The following MET variants were observed in gnomAD, a reference collection of about 807,000 sequenced individuals.
MET encodes the protein hepatocyte growth factor receptor.
A neutral mutation model predicts 133.1 loss-of-function variants in MET; 48 were observed. The observed-to-expected ratio is 0.36, with a 90% CI of 0.29 to 0.46. The LOEUF (loss-of-function observed/expected upper bound fraction) is 0.46. Ranked by LOEUF, MET falls within the 20% of genes least tolerant of loss-of-function variation. The probability of loss-of-function intolerance (pLI) is 1.00; values close to 1 mark genes in which losing one functional copy is unlikely to be tolerated. For missense variants in MET, 1,442 were observed against 1,695.9 expected, an observed-to-expected ratio of 0.85 and a Z score of 2.63; for synonymous variants, 628 against 616.5, an observed-to-expected ratio of 1.02 and a Z score of -0.28.
At chr7:116,677,708 C>G (rs1796209333) in intron 1 of MET, among the ~76,000 whole-genome samples, 1 of 152,232 alleles carries the variant, frequency 6.6e-6, no homozygotes, top group African/African-American at 2.4e-5. Flanking sequence ...TTCTAAAATT[C>G]TCAGAAAATT....
At chr7:116,762,538 T>A (rs1014223811) in intron 10 of MET, among the ~76,000 whole-genome samples, 1 of 152,204 alleles carries the variant, frequency 6.6e-6, no homozygotes, top group African/African-American at 2.4e-5. Flanking sequence ...TGGTGCTTGG[T>A]GCTTTACAAA....
intron 2 of MET, among the ~76,000 whole-genome samples, chr7:116,727,546 G>A (rs1450943988): frequency 2.6e-5 from 4 of 152,080 alleles, no homozygotes; most frequent in Admixed American, 6.5e-5. Flanking sequence ...GGTTCCCTGC[G>A]GGTGCTGGTG....
intron 2 of MET, among the ~76,000 whole-genome samples, chr7:116,705,137 A>C (rs544657682): frequency 6.6e-6 from 1 of 152,094 alleles, no homozygotes; most frequent in African/African-American, 2.4e-5. Context: ...AAAAATAAAC[A>C]TACAGTGATG....
intron 2 of MET, among the ~76,000 whole-genome samples, chr7:116,702,377 G>A (rs1791615602): frequency 6.6e-6 from 1 of 151,846 alleles, no homozygotes; most frequent in African/African-American, 2.4e-5. Flanking sequence ...TTCTGAGACT[G>A]AGACTACACA....
chr7:116,724,587 A>C (rs1279791207), intron 2 of MET, among the ~76,000 whole-genome samples: 1 of 152,196 alleles, frequency 6.6e-6, no homozygotes, highest in Admixed American at 6.5e-5. Context: ...TTGGAGGACC[A>C]TGATTGTTTA....
intron 8 of MET, 81 bp from the exon 9 acceptor site, chr7:116,758,378 T>C (rs1005864465): frequency 4.3e-6 from 6 of 1,407,610 alleles, no homozygotes; most frequent in African/African-American, 1.4e-5. Flanking sequence ...TTGAGTTATA[T>C]CCTTTTGATT....
Position 116,745,089 on chromosome 7 carries a change from T to C in MET, c.1701+4064T>C, listed in dbSNP as rs548018177. Among the ~76,000 whole-genome samples, 146 of 152,336 alleles carry C rather than the reference T, an allele frequency of 9.6e-4. 1 individual carries two copies. The highest frequency in any genetic ancestry group is 7.3e-5 in the Non-Finnish European group (5 of 68,038). On this transcript the variant is annotated intron_variant, in intron 5 of 20. Coordinates refer to ENST00000397752, the MANE Select transcript of MET (RefSeq NM_000245.4). Reference sequence around the variant, plus strand: ...AAGCAACTTTAGCAAAGTCTCAGGATACAAATTCAATGTGCAAAAATCACA... The same window carrying C: ...AAGCAACTTTAGCAAAGTCTCAGGACACAAATTCAATGTGCAAAAATCACA...
At position 116,763,039 on chromosome 7, in the gene MET, T is replaced by C. The variant is rs1367439751; in HGVS notation, c.2365-11T>C. 1.2e-6 allele frequency: 2 copies of C among 1,609,784 alleles called. No homozygotes were observed. Among genetic ancestry groups the C allele is most frequent in the Admixed American group, 1.7e-5 (1 of 59,950 alleles). ...ATTCTGTTTACAGTGGATAATTGTGTCTTTCTCTAGGCATGTCAACATCGC... is the reference window on the plus strand; with the variant it reads ...ATTCTGTTTACAGTGGATAATTGTGCCTTTCTCTAGGCATGTCAACATCGC... On this transcript the variant is annotated splice_polypyrimidine_tract_variant and intron_variant, in intron 10 of 20. Transcript: ENST00000397752.
At chr7:116,745,717 G>A (rs537411690) in intron 5 of MET, among the ~76,000 whole-genome samples, 37 of 152,288 alleles carry the variant, frequency 2.4e-4, no homozygotes, top group African/African-American at 7.5e-4. Flanking sequence ...TGGGAAAACT[G>A]GCTAGCCATA....
At chr7:116,680,874 C>G (rs886250431) in intron 1 of MET, among the ~76,000 whole-genome samples, 24 of 151,628 alleles carry the variant, frequency 1.6e-4, no homozygotes, top group African/African-American at 5.6e-4. Flanking sequence ...CCTGGGAGGC[C>G]AAGGCTGTAG....
At chr7:116,714,198 A>G (rs546433040) in intron 2 of MET, among the ~76,000 whole-genome samples, 2 of 152,334 alleles carry the variant, frequency 1.3e-5, no homozygotes, top group African/African-American at 4.8e-5. Flanking sequence ...GGAAATGATG[A>G]TAAAGAAGCA....
chr7:116,689,719 C>T (rs758369474), intron 1 of MET, among the ~76,000 whole-genome samples: 2 of 151,946 alleles, frequency 1.3e-5, no homozygotes, highest in Non-Finnish European at 2.9e-5. Flanking sequence ...TAGGCACATG[C>T]CACCATGCCT....
chr7:116,752,640 T>G (rs1431764584), intron 5 of MET, among the ~76,000 whole-genome samples: 1 of 152,220 alleles, frequency 6.6e-6, no homozygotes, highest in Non-Finnish European at 1.5e-5. Context: ...AGCGAGCCTC[T>G]TGGATCCTGA....
intron 8 of MET, 43 bp downstream of exon 8, chr7:116,757,817 A>T: frequency 6.3e-7 from 1 of 1,588,010 alleles, no homozygotes; most frequent in South Asian, 1.1e-5. Flanking sequence ...AATTTGAATT[A>T]ATATCTGTAC....
Position 116,755,437 on chromosome 7 carries a change from A to C in MET, c.1784A>C (p.Lys595Thr), listed in dbSNP as rs1584939204. Residue 595 changes from lysine to threonine, a missense_variant, in exon 6 of 21, where the codon AAA (lysine) becomes ACA (threonine). Coordinates refer to ENST00000397752, the MANE Select transcript of MET (RefSeq NM_000245.4). ...GACTTTGGATTTCGGAGGAATAATA[A>C]ATTTGATTTAAAGAAAACTAGAGTT... ...GWDFGFRRNNKFDLKKTRVLL... is the reference protein window; with the variant it reads ...GWDFGFRRNNTFDLKKTRVLL... 6.2e-7 allele frequency: 1 copy of C among 1,614,134 alleles called. No individual in the cohort carries two copies. The highest frequency in any genetic ancestry group is 8.5e-7 in the Non-Finnish European group (1 of 1,180,002).
At chr7:116,789,463 G>C (rs1176101100) in intron 19 of MET, among the ~76,000 whole-genome samples, 1 of 152,098 alleles carries the variant, frequency 6.6e-6, no homozygotes, top group Admixed American at 6.6e-5. Flanking sequence ...TTCAGGTTTT[G>C]ACAAATGCAT....
At chr7:116,672,805 A>G (rs980258164) in intron 1 of MET, among the ~76,000 whole-genome samples, 5 of 150,864 alleles carry the variant, frequency 3.3e-5, no homozygotes, top group African/African-American at 1.2e-4. Flanking sequence ...TGTATGACTT[A>G]GGAGGGAGAG....
chr7:116,740,776 T>G (rs1339678565), intron 4 of MET, 76 bp from the exon 5 acceptor site: 5 of 1,552,968 alleles, frequency 3.2e-6, no homozygotes, highest in Non-Finnish European at 3.5e-6. Context: ...ACATGTACCT[T>G]TTGTGTACTT....
intron 1 of MET, among the ~76,000 whole-genome samples, chr7:116,682,509 C>T (rs978364235): frequency 6.6e-6 from 1 of 152,098 alleles, no homozygotes; most frequent in Admixed American, 6.5e-5. Context: ...TAATTAAATG[C>T]TGGCATTTTC....
Sources: gnomAD v4.1 joint callset for allele counts (sites outside exome capture counted in the v4.1 genomes callset) on GRCh38, gnomAD v4.1.1 for gene constraint, MANE v1.5 for transcripts, NCBI Gene and HGNC (gene_info 2026-07-23, HGNC 2026-07-21) for gene names.